The following ADGRB2 variants were observed in gnomAD, a reference collection of about 807,000 sequenced individuals.
ADGRB2 encodes brain-specific angiogenesis inhibitor 2.
A neutral mutation model predicts 178.7 loss-of-function variants in ADGRB2; 47 were observed. The ratio of observed to expected loss-of-function variants is 0.26; its 90% CI spans 0.21 to 0.34. The LOEUF (loss-of-function observed/expected upper bound fraction) is 0.34, where lower values mean the gene tolerates loss of function less well. Ranked by LOEUF, ADGRB2 falls within the 10% of genes least tolerant of loss-of-function variation. The pLI is 1.00. For missense variants in ADGRB2, 1,584 were observed against 2,180.8 expected, an observed-to-expected ratio of 0.73 and a Z score of 5.45; for synonymous variants, 870 against 912.4, an observed-to-expected ratio of 0.95 and a Z score of 0.84.
chr1:31,764,050 C>T lies in ADGRB2; in HGVS notation c.-357G>A, dbSNP rs1358130549. On this transcript the variant is annotated 5_prime_UTR_variant, in exon 1 of 33. Transcript: ENST00000373658. This position sits in a 1 kb window ranked among gnomAD's most constrained non-coding sequence, Gnocchi z 7.3. ...TCCCGGGCGGCGGGTGCAGAAAAGG[C>T]GCCGCGGAGCAGCGCGGGGCGGGCG... 2.2e-6 allele frequency: 2 copies of T among 891,628 alleles called. No individual in the cohort carries two copies. Among genetic ancestry groups the T allele is most frequent in the East Asian group, 2.7e-4 (2 of 7,478 alleles). The allele number at this position is 891,628 out of a possible 1,614,324, so 55.2% of individuals were successfully genotyped here. A position where few individuals can be genotyped will look rare whatever the true frequency, so the allele number is the denominator to read the frequency against.
intron 1 of ADGRB2, chr1:31,760,551 C>G (rs184731019): frequency 1.6e-3 from 197 of 124,810 alleles, no homozygotes; most frequent in Admixed American, 4.6e-3. Flanking sequence ...AGGGCCGGTC[C>G]GGGATTCCCA....
rs1018698019 is a variant in ADGRB2 at position 31,761,275 on chromosome 1, T to C, written c.-191+2609A>G. On this transcript the variant is annotated intron_variant, in intron 1 of 32. Transcript: ENST00000373658. This position sits in a 1 kb window ranked among gnomAD's most constrained non-coding sequence, Gnocchi z 4.2. Reference sequence around the variant, plus strand: ...TCCCCTTCCTCCGTGCCACCTTCCCTGCCCCCAAGCTACTCAGGCCAAAGC... The same window carrying C: ...TCCCCTTCCTCCGTGCCACCTTCCCCGCCCCCAAGCTACTCAGGCCAAAGC... 2.0e-5 allele frequency among the ~76,000 whole-genome samples: 3 copies of C among 152,098 alleles called. No homozygotes were observed. The highest frequency in any genetic ancestry group is 7.2e-5 in the African/African-American group (3 of 41,456).
rs1569861021 is a variant in ADGRB2 at position 31,738,766 on chromosome 1, A to C, written c.2601+66T>G. 4 of 1,600,912 alleles carry C rather than the reference A, an allele frequency of 2.5e-6. No homozygotes were observed. The South Asian group carries it at 4.4e-5, about 18-fold the overall frequency. ...CACCATCAGGGACAGAGTGCTTCCCACCAGCCAGGCCTCTGGCCACCCAGG... is the reference window on the plus strand; with the variant it reads ...CACCATCAGGGACAGAGTGCTTCCCCCCAGCCAGGCCTCTGGCCACCCAGG... On this transcript the variant is annotated intron_variant, in intron 16 of 32. Coordinates refer to ENST00000373658, the MANE Select transcript of ADGRB2 (RefSeq NM_001364857.2).
intron 20 of ADGRB2, among the ~76,000 whole-genome samples, 181 bp from the exon 21 acceptor site, chr1:31,736,904 G>GAC (rs1162925873): frequency 6.6e-6 from 1 of 152,246 alleles, no homozygotes; most frequent in Non-Finnish European, 1.5e-5. Flanking sequence ...CGGGCCTGGT[G>GAC]ACACACACAC....
At chr1:31,749,116 C>T (rs1646429174) in intron 4 of ADGRB2, among the ~76,000 whole-genome samples, 1 of 152,152 alleles carries the variant, frequency 6.6e-6, no homozygotes, top group African/African-American at 2.4e-5. Flanking sequence ...TGGTCCTTGC[C>T]CCTCTTATCC....
At position 31,760,890 on chromosome 1, in the gene ADGRB2, AC is replaced by A. The variant is rs371301306; in HGVS notation, c.-191+2993del. On this transcript the variant is annotated intron_variant, in intron 1 of 32. Transcript: ENST00000373658. ...GGGACTGGGCCGAGGGGAGGGAGCG[AC>A]CCCCTCTGTGCAGTCCTCCCGCTCC... The A allele has an allele frequency of 4.5e-3, 681 of 150,892 alleles. 8 individuals are homozygous for A. The highest frequency in any genetic ancestry group is 0.036 in the East Asian group (181 of 5,084). The allele number at this position is 150,892 out of a possible 1,614,324, so 9.3% of individuals were successfully genotyped here.
Position 31,731,252 on chromosome 1 carries a change from G to A in ADGRB2, c.3928C>T (p.Pro1310Ser), listed in dbSNP as rs745789258. The change falls in exon 29 of 33, where the codon CCA (proline) becomes TCA (serine). Residue 1310 changes from proline to serine, a missense_variant. Pro to Ser is a moderately conservative substitution (Grantham distance 74). This residue lies in a region of ADGRB2 where 865 missense variants were observed against 1,192.8 expected (regional missense o/e 0.73). Coordinates refer to ENST00000373658, the MANE Select transcript of ADGRB2 (RefSeq NM_001364857.2). ...GGGGGCGGAGGCTCCCCCAGCCCTG[G>A]TGAGGCTGCCATGGGCACCAGGATA... ...GNILVPMAAS[P>S]GLGEPPPPQE... 1 of 1,609,222 alleles carries A rather than the reference G, an allele frequency of 6.2e-7. No homozygotes were observed. The highest frequency in any genetic ancestry group is 8.5e-7 in the Non-Finnish European group (1 of 1,178,406).
chr1:31,742,310 G>A lies in ADGRB2; in HGVS notation c.1253-93C>T, dbSNP rs187667544. On this transcript the variant is annotated intron_variant, in intron 7 of 32. Coordinates refer to ENST00000373658, the MANE Select transcript of ADGRB2 (RefSeq NM_001364857.2). ...CCACAGGAAGACCCAGAGCCTGCTA[G>A]GCATTCAGATTTGAGCCAGGCCAGA... 3.5e-5 allele frequency: 53 copies of A among 1,494,566 alleles called. No individual in the cohort carries two copies. In the Middle Eastern group the frequency reaches 9.4e-4, roughly 27 times the overall value. 92.6% of individuals were successfully genotyped at this position (1,494,566 alleles called of 1,614,324 possible).
chr1:31,741,397 A>G lies in ADGRB2; in HGVS notation c.1770T>C (p.His590=), dbSNP rs2148957866. 1 of 1,605,984 alleles carries G rather than the reference A, an allele frequency of 6.2e-7. No individual in the cohort carries two copies. Among genetic ancestry groups the G allele is most frequent in the Admixed American group, 1.7e-5 (1 of 58,858 alleles). The change falls in exon 11 of 33, where the codon CAT becomes CAC. Residue 590 remains histidine, a synonymous_variant. Transcript: ENST00000373658. The surrounding 1 kb of genome is among the most constrained non-coding windows in gnomAD (Gnocchi z 6.5). ...GLPSFARCIS[H]EYRYLYLSLR... ...CTGACAGATACAGGTAGCGGTACTCATGGGAGATGCAGCGAGCAAAGCTGG... is the reference window on the plus strand; with the variant it reads ...CTGACAGATACAGGTAGCGGTACTCGTGGGAGATGCAGCGAGCAAAGCTGG...
chr1:31,748,903 A>G (rs1646417751), intron 4 of ADGRB2, among the ~76,000 whole-genome samples: 1 of 151,758 alleles, frequency 6.6e-6, no homozygotes, highest in African/African-American at 2.4e-5. Flanking sequence ...CATTTTACTA[A>G]TGAGAAAGGA....
intron 20 of ADGRB2, 119 bp from the exon 21 acceptor site, chr1:31,736,842 A>C (rs1645635727): frequency 6.9e-7 from 1 of 1,441,758 alleles, no homozygotes; most frequent in Non-Finnish European, 9.2e-7. Flanking sequence ...CCCGCCCCCC[A>C]CAGAGCCCTG....
At chr1:31,762,374 C>T (rs1647064979) in intron 1 of ADGRB2, among the ~76,000 whole-genome samples, 1 of 152,110 alleles carries the variant, frequency 6.6e-6, no homozygotes, top group Non-Finnish European at 1.5e-5. Flanking sequence ...CTTGCTCTGT[C>T]CCAGGGTCAG....
chr1:31,746,885 C>T (rs1310892389), intron 4 of ADGRB2, among the ~76,000 whole-genome samples: 2 of 152,236 alleles, frequency 1.3e-5, no homozygotes, highest in African/African-American at 2.4e-5. Context: ...GCCTCCTTCG[C>T]TCTCGGAGAG....
At position 31,727,646 on chromosome 1, in the gene ADGRB2, T is replaced by A; in HGVS notation, c.4573-41A>T. On this transcript the variant is annotated intron_variant, in intron 32 of 32. Transcript: ENST00000373658. This position sits in a 1 kb window ranked among gnomAD's most constrained non-coding sequence, Gnocchi z 4.4. ...GAGGGGCCGTGGAGATGGGCCAATATCCTTACCCATTGTACAGACGATCAA... is the reference window on the plus strand; with the variant it reads ...GAGGGGCCGTGGAGATGGGCCAATAACCTTACCCATTGTACAGACGATCAA... 2 of 1,452,778 alleles carry A rather than the reference T, an allele frequency of 1.4e-6. No homozygotes were observed. Among genetic ancestry groups the A allele is most frequent in the Non-Finnish European group, 1.8e-6 (2 of 1,105,754 alleles). 90.0% of individuals were successfully genotyped at this position (1,452,778 alleles called of 1,614,324 possible).
chr1:31,728,514 C>A lies in ADGRB2; in HGVS notation c.4416+84G>T. 1 of 1,592,192 alleles carries A rather than the reference C, an allele frequency of 6.3e-7. No individual in the cohort carries two copies. The highest frequency in any genetic ancestry group is 8.6e-7 in the Non-Finnish European group (1 of 1,160,308). Reference sequence around the variant, plus strand: ...CCTGGGGTCAGGCTCTGCAACAGAGCTTGGACTACTTTTAGGAGTGAGCCC... The same window carrying A: ...CCTGGGGTCAGGCTCTGCAACAGAGATTGGACTACTTTTAGGAGTGAGCCC... On this transcript the variant is annotated intron_variant, in intron 30 of 32. Transcript: ENST00000373658. The surrounding 1 kb of genome is among the most constrained non-coding windows in gnomAD (Gnocchi z 6.7).
In ADGRB2 at chr1:31,731,346, C is replaced by T. The variant is rs1240178885; in HGVS notation, c.3834G>A (p.Glu1278=). Residue 1278 remains glutamate (E), a synonymous_variant, in exon 29 of 33, where the codon GAG becomes GAA. Transcript: ENST00000373658. The part of the protein sequence containing the change: ...TGTLSRLSLD[E]DEEPKSCLVG... The stretch of plus-strand genomic sequence containing the variant: ...CGAGGCAGGACTTGGGCTCCTCATC[C>T]TCATCCAGGGACAGGCGGGATAGTG... 8.7e-6 allele frequency: 14 copies of T among 1,612,880 alleles called. No individual in the cohort carries two copies. Among genetic ancestry groups the T allele is most frequent in the African/African-American group, 1.3e-5 (1 of 74,932 alleles).
rs767946051 is a variant in ADGRB2 at position 31,727,967 on chromosome 1, C to T, written c.4572+58G>A. ...GGGTTGCCTGGGAGGGGCAGGAGGG[C>T]AGGGAGGGCACGGGTCCCTCAGGCC... On this transcript the variant is annotated intron_variant, in intron 32 of 32. Coordinates refer to ENST00000373658, the MANE Select transcript of ADGRB2 (RefSeq NM_001364857.2). The surrounding 1 kb of genome is among the most constrained non-coding windows in gnomAD (Gnocchi z 4.4). 7 of 1,507,092 alleles carry T rather than the reference C, an allele frequency of 4.6e-6. No homozygotes were observed. The highest frequency in any genetic ancestry group is 6.2e-6 in the Non-Finnish European group (7 of 1,128,520). 93.4% of individuals were successfully genotyped at this position (1,507,092 alleles called of 1,614,324 possible). A position where few individuals can be genotyped will look rare whatever the true frequency, so the allele number is the denominator to read the frequency against.
intron 20 of ADGRB2, 132 bp downstream of exon 20, chr1:31,737,297 C>T: frequency 1.2e-6 from 1 of 844,330 alleles, no homozygotes; most frequent in Non-Finnish European, 1.9e-6. Context: ...ATTTCATACA[C>T]ACTCTAATCC....
Position 31,764,137 on chromosome 1 carries a change from G to C in ADGRB2, c.-444C>G. 3 of 809,548 alleles carry C rather than the reference G, an allele frequency of 3.7e-6. No individual in the cohort carries two copies. The highest frequency in any genetic ancestry group is 4.5e-6 in the Non-Finnish European group (3 of 673,704). The allele number at this position is 809,548 out of a possible 1,614,324, so 50.1% of individuals were successfully genotyped here. A position where few individuals can be genotyped will look rare whatever the true frequency, so the allele number is the denominator to read the frequency against. ...CCGCCGCCGCCGCCGCCTCCTTGCC[G>C]CGCCGCCCCCCGCTCCCCCGCTCCC... On this transcript the variant is annotated 5_prime_UTR_variant, in exon 1 of 33. Coordinates refer to ENST00000373658, the MANE Select transcript of ADGRB2 (RefSeq NM_001364857.2). This position sits in a 1 kb window ranked among gnomAD's most constrained non-coding sequence, Gnocchi z 7.3.
Sources: gnomAD v4.1 joint callset for allele counts (sites outside exome capture counted in the v4.1 genomes callset) on GRCh38, gnomAD v4.1.1 for gene constraint, gnomAD v4.1.1 regional missense constraint, Gnocchi (gnomAD v3.1) non-coding constraint, MANE v1.5 for transcripts, NCBI Gene and HGNC (gene_info 2026-07-23, HGNC 2026-07-21) for gene names.